Variants in IQGAP1 observed in about 807,000 individuals in gnomAD.
IQGAP1 encodes IQ motif containing GTPase activating protein 1.
A neutral mutation model predicts 215.6 loss-of-function variants in IQGAP1; 66 were observed. The ratio of observed to expected loss-of-function variants is 0.31; its 90% confidence interval spans 0.25 to 0.38. IQGAP1 has a LOEUF of 0.38. Ranked by LOEUF, IQGAP1 falls within the 10% of genes least tolerant of loss-of-function variation. The pLI, the probability that IQGAP1 is intolerant of heterozygous loss-of-function variation, is 1.00. For synonymous variants in IQGAP1, 772 were observed against 728.7 expected, an observed-to-expected ratio of 1.06 and a Z score of -0.96; for missense variants, 1,712 against 1,997.1, an observed-to-expected ratio of 0.86 and a Z score of 2.72.
Position 90,502,161 on chromosome 15 carries a change from G to A in IQGAP1, c.*2053G>A, listed in dbSNP as rs1966350377. 6.6e-6 allele frequency: 1 copy of A among 152,614 alleles called. No individual in the cohort carries two copies. The highest frequency in any genetic ancestry group is 1.5e-5 in the Non-Finnish European group (1 of 68,036). 9.5% of individuals were successfully genotyped at this position (152,614 alleles called of 1,614,324 possible). A position where few individuals can be genotyped will look rare whatever the true frequency, so the allele number is the denominator to read the frequency against. ...TTACCATGAATTTACTTCCTCCCAA[G>A]AGTTTGGACTGCCCGTCAGATTGTT... On this transcript the variant is annotated 3_prime_UTR_variant, in exon 38 of 38. Coordinates refer to ENST00000268182, the MANE Select transcript of IQGAP1 (RefSeq NM_003870.4).
intron 2 of IQGAP1, among the ~76,000 whole-genome samples, chr15:90,409,035 A>G (rs1964919216): frequency 6.6e-6 from 1 of 152,076 alleles, no homozygotes; most frequent in South Asian, 2.1e-4. Context: ...TCTATGTGTG[A>G]TCTAGATCCT....
chr15:90,464,918 C>A (rs1295644531), intron 15 of IQGAP1, among the ~76,000 whole-genome samples: 2 of 151,902 alleles, frequency 1.3e-5, no homozygotes, highest in Admixed American at 1.3e-4. Context: ...GTTTAAAATG[C>A]CATTCAGAGC....
intron 26 of IQGAP1, among the ~76,000 whole-genome samples, chr15:90,479,404 T>C (rs941427839): frequency 1.3e-5 from 2 of 152,016 alleles, no homozygotes; most frequent in Admixed American, 6.6e-5. Flanking sequence ...CAGGGAGTTT[T>C]ACGCTGGGTG....
chr15:90,480,277 A>G (rs946633127), intron 26 of IQGAP1, among the ~76,000 whole-genome samples: 22 of 151,282 alleles, frequency 1.5e-4, no homozygotes, highest in African/African-American at 5.1e-4. Context: ...GATACCAGTG[A>G]CTGTGAGGGA....
intron 2 of IQGAP1, among the ~76,000 whole-genome samples, chr15:90,401,787 A>C (rs544920721): frequency 6.6e-6 from 1 of 152,376 alleles, no homozygotes; most frequent in African/African-American, 2.4e-5. Context: ...CTGCCATGTT[A>C]GTCTGCTGCT....
At chr15:90,450,172 C>A (rs1965582131) in intron 11 of IQGAP1, among the ~76,000 whole-genome samples, 1 of 152,082 alleles carries the variant, frequency 6.6e-6, no homozygotes, top group Non-Finnish European at 1.5e-5. Context: ...CTTCTGGGAA[C>A]CACCAGTCAA....
chr15:90,456,443 C>T (rs1211025330), intron 15 of IQGAP1, 128 bp downstream of exon 15: 3 of 814,832 alleles, frequency 3.7e-6, no homozygotes, highest in African/African-American at 1.7e-5. Flanking sequence ...ATTCAAAGCA[C>T]TGGAGGGACA....
At chr15:90,408,971 A>T (rs1217199516) in intron 2 of IQGAP1, among the ~76,000 whole-genome samples, 1 of 151,754 alleles carries the variant, frequency 6.6e-6, no homozygotes, top group Admixed American at 6.6e-5. Context: ...TGCCATCTTG[A>T]CCTCTTTCCC....
intron 18 of IQGAP1, 92 bp from the exon 19 acceptor site, chr15:90,472,748 G>GTGT: frequency 8.6e-7 from 1 of 1,163,782 alleles, no homozygotes; most frequent in Non-Finnish European, 1.2e-6. Flanking sequence ...GAAGCAGGAG[G>GTGT]TGTTAGCTTG....
rs547021814 is a variant in IQGAP1 at position 90,444,852 on chromosome 15, A to G, written c.913+1374A>G. ...CATTCTGTACATTTTATGACTTAAA[A>G]GGAATCTGGGCCAGGCAATTCCAGC... On this transcript the variant is annotated intron_variant, in intron 9 of 37. Transcript: ENST00000268182. 1.4e-3 allele frequency among the ~76,000 whole-genome samples: 207 copies of G among 152,318 alleles called. 1 individual carries two copies. Among genetic ancestry groups the G allele is most frequent in the African/African-American group, 4.8e-3 (200 of 41,564 alleles).
intron 11 of IQGAP1, among the ~76,000 whole-genome samples, chr15:90,450,863 T>C (rs1437922804): frequency 6.6e-6 from 1 of 151,650 alleles, no homozygotes; most frequent in African/African-American, 2.4e-5. Flanking sequence ...ATTATGGTTA[T>C]TGTTCTCTTC....
At chr15:90,401,697 A>G (rs1027280184) in intron 2 of IQGAP1, among the ~76,000 whole-genome samples, 18 of 152,370 alleles carry the variant, frequency 1.2e-4, no homozygotes, top group Middle Eastern at 3.4e-3. Context: ...AGCAAAGCTC[A>G]GAGAGGTTAA....
chr15:90,456,061 G>A, intron 14 of IQGAP1, 91 bp from the exon 15 acceptor site: 1 of 1,082,556 alleles, frequency 9.2e-7, no homozygotes, highest in Non-Finnish European at 1.3e-6. Context: ...ACTCTTAGGT[G>A]GATTTATGAT....
intron 9 of IQGAP1, among the ~76,000 whole-genome samples, chr15:90,448,036 G>A (rs921313238): frequency 1.3e-5 from 2 of 152,184 alleles, no homozygotes; most frequent in Admixed American, 6.5e-5. Flanking sequence ...ATGGTGCTAT[G>A]TAAGACATGG....
chr15:90,426,123 T>C lies in IQGAP1; in HGVS notation c.169T>C (p.Cys57Arg). ...CCTTTGGTGCAGGTGGATGGAAGCA[T>C]GCCTAGGGGAAGATCTGCCTCCCAC... ...LEEAKRWMEA[C>R]LGEDLPPTTE... The change falls in exon 3 of 38, where the codon TGC (cysteine) becomes CGC (arginine). Residue 57 changes from cysteine to arginine, a missense_variant. Cys to Arg is a radical substitution (Grantham distance 180). This residue lies in a region of IQGAP1 where 1,021 missense variants were observed against 1,074.2 expected (regional missense o/e 0.95). Transcript: ENST00000268182. The C allele has an allele frequency of 1.2e-6, 2 of 1,606,476 alleles. No homozygotes were observed. Among genetic ancestry groups the C allele is most frequent in the South Asian group, 1.1e-5 (1 of 90,288 alleles).
intron 15 of IQGAP1, among the ~76,000 whole-genome samples, chr15:90,462,458 G>A (rs1273300130): frequency 6.6e-6 from 1 of 152,184 alleles, no homozygotes; most frequent in East Asian, 1.9e-4. Context: ...TGCTTATGTT[G>A]TGTAGTTGAT....
Position 90,448,732 on chromosome 15 carries a change from G to T in IQGAP1, c.1073G>T (p.Arg358Ile), listed in dbSNP as rs1445748216. Reference protein sequence around the residue: ...KQLLSDKQQKRQSGQTDPLQK... With the variant: ...KQLLSDKQQKIQSGQTDPLQK... ...CTCCTGAGTGATAAACAGCAGAAGA[G>T]ACAGGTAAACATAGTCTGGATTGAA... Residue 358 changes from arginine to isoleucine, a missense_variant, in exon 10 of 38, where the codon AGA becomes ATA. Physicochemically the swap from Arg to Ile is moderately conservative, Grantham distance 97. Around this residue, in one of 2 missense-constraint regions of IQGAP1, gnomAD observed 1,021 missense variants for 1,074.2 expected, o/e 0.95. Coordinates refer to ENST00000268182, the MANE Select transcript of IQGAP1 (RefSeq NM_003870.4). 2.3e-5 allele frequency: 37 copies of T among 1,584,534 alleles called. No homozygotes were observed. Among genetic ancestry groups the T allele is most frequent in the Non-Finnish European group, 3.2e-5 (37 of 1,167,020 alleles).
chr15:90,448,668 G>A lies in IQGAP1; in HGVS notation c.1009G>A (p.Gly337Arg), dbSNP rs546748838. 6.2e-7 allele frequency: 1 copy of A among 1,611,688 alleles called. No homozygotes were observed. The highest frequency in any genetic ancestry group is 1.7e-5 in the Admixed American group (1 of 59,612). Residue 337 changes from glycine (G) to arginine (R), a missense_variant, in exon 10 of 38, where the codon GGA (glycine) becomes AGA (arginine). Physicochemically the swap from Gly to Arg is moderately radical, Grantham distance 125. This residue lies in a region of IQGAP1 where 1,021 missense variants were observed against 1,074.2 expected (regional missense o/e 0.95). Transcript: ENST00000268182. The stretch of plus-strand genomic sequence containing the variant: ...GCAGTCACCAGCCCTGGGGCTTCGA[G>A]GACTGCAGCAACAGAATAGCGACTG... ...ALQSPALGLRGLQQQNSDWYL... is the reference protein window; with the variant it reads ...ALQSPALGLRRLQQQNSDWYL...
intron 22 of IQGAP1, 165 bp from the exon 23 acceptor site, chr15:90,474,320 C>A: frequency 2.7e-6 from 2 of 748,070 alleles, no homozygotes; most frequent in Non-Finnish European, 4.4e-6. Flanking sequence ...TAACCTTTAT[C>A]ATAACATAGC....
Sources: allele counts gnomAD v4.1 joint callset (sites outside exome capture counted in the v4.1 genomes callset), GRCh38; gene constraint gnomAD v4.1.1; regional missense constraint gnomAD v4.1.1; transcripts MANE v1.5; gene names NCBI Gene and HGNC (gene_info 2026-07-23, HGNC 2026-07-21).